Variants in WDPCP observed in about 807,000 individuals in gnomAD.
WDPCP encodes WD repeat containing planar cell polarity effector.
A neutral mutation model predicts 93.1 loss-of-function variants in WDPCP; 71 were observed. That is an observed-to-expected ratio of 0.76 (90% CI 0.63 to 0.93). The LOEUF is 0.93. Ranked by LOEUF, WDPCP falls within the 40% of genes least tolerant of loss-of-function variation. WDPCP has a pLI of 0.00. For missense variants in WDPCP, 844 were observed against 887.4 expected (o/e 0.95, Z 0.62); for synonymous variants, 315 against 315.0 (o/e 1.00, Z 0.00).
At chr2:63,593,805 T>C (rs778468672) in intron 3 of WDPCP, among the ~76,000 whole-genome samples, 6 of 152,204 alleles carry the variant, frequency 3.9e-5, no homozygotes, top group Non-Finnish European at 8.8e-5. Flanking sequence ...CAGCTTAGTC[T>C]TTTTTTACTC....
intron 1 of WDPCP, among the ~76,000 whole-genome samples, chr2:63,500,723 G>C (rs924890815): frequency 6.6e-6 from 1 of 152,098 alleles, no homozygotes; most frequent in African/African-American, 2.4e-5. Context: ...TGCAAAAACA[G>C]GGATAATGAT....
intron 9 of WDPCP, among the ~76,000 whole-genome samples, chr2:63,427,538 C>A (rs1696415818): frequency 6.6e-6 from 1 of 152,034 alleles, no homozygotes; most frequent in South Asian, 2.1e-4. Flanking sequence ...TTTTTGAAAT[C>A]AACGAAAACA....
At chr2:63,325,685 G>A (rs748571214) in intron 12 of WDPCP, among the ~76,000 whole-genome samples, 2 of 152,296 alleles carry the variant, frequency 1.3e-5, no homozygotes, top group Middle Eastern at 6.8e-3. Flanking sequence ...TGTTATGCCT[G>A]AAAGTCCCAT....
chr2:63,291,751 G>A (rs571161443), intron 13 of WDPCP, among the ~76,000 whole-genome samples: 50 of 151,306 alleles, frequency 3.3e-4, no homozygotes, highest in Non-Finnish European at 5.9e-4. Flanking sequence ...AGAGGTTGCA[G>A]TGAGCTGAGA....
In WDPCP at chr2:63,404,307, C is replaced by G. The variant is rs751487031; in HGVS notation, c.1176G>C (p.Leu392=). ...LISCHPSGAI[L]LVGSNQGELQ... is the part of the protein sequence containing the mutation. ...ACTCCCCTTGGTTGCTGCCAACTAGCAGAATGGCACCACTTGGGTGGCAGC... is the reference window on the plus strand; with the variant it reads ...ACTCCCCTTGGTTGCTGCCAACTAGGAGAATGGCACCACTTGGGTGGCAGC... Residue 392 remains leucine (L), a synonymous_variant, in exon 10 of 18, where the codon CTG becomes CTC. Transcript: ENST00000272321. 6.2e-7 allele frequency: 1 copy of G among 1,614,006 alleles called. No homozygotes were observed. Among genetic ancestry groups the G allele is most frequent in the Middle Eastern group, 1.6e-4 (1 of 6,084 alleles).
intron 14 of WDPCP, among the ~76,000 whole-genome samples, chr2:63,210,921 A>ATTGCTGAGGCTTG (rs1676732604): frequency 6.6e-6 from 1 of 152,230 alleles, no homozygotes; most frequent in Non-Finnish European, 1.5e-5. Flanking sequence ...GACACCCGCC[A>ATTGCTGAGGCTTG]TTGCTGAGGC....
chr2:63,226,922 G>C (rs1009551560), intron 14 of WDPCP, among the ~76,000 whole-genome samples: 2 of 151,898 alleles, frequency 1.3e-5, no homozygotes, highest in African/African-American at 4.8e-5. Flanking sequence ...AATTTGGCCA[G>C]AAAGTGTTTA....
chr2:63,391,852 A>G (rs561495425), intron 10 of WDPCP, among the ~76,000 whole-genome samples: 1 of 152,208 alleles, frequency 6.6e-6, no homozygotes, highest in Non-Finnish European at 1.5e-5. Context: ...CTCTTCAAGG[A>G]GAACTAGAAA....
At chr2:63,424,426 A>C (rs1455412675) in intron 9 of WDPCP, among the ~76,000 whole-genome samples, 1 of 152,098 alleles carries the variant, frequency 6.6e-6, no homozygotes, top group African/African-American at 2.4e-5. Context: ...ACTGTTCTTC[A>C]CACCCTCGTT....
chr2:63,700,282 C>CAAAAAAAAAAAAAAAAAAAA (rs1196006011), intron 2 of WDPCP, among the ~76,000 whole-genome samples: 4 of 41,574 alleles, frequency 9.6e-5, no homozygotes, highest in Non-Finnish European at 1.3e-4. Context: ...GACCCTGTCT[C>CAAAAAAAAAAAAAAAAAAAA]AAAAAAAAAA....
chr2:63,729,005 G>A (rs114727938), intron 2 of WDPCP, among the ~76,000 whole-genome samples: 1,872 of 152,180 alleles, frequency 0.012, 17 homozygotes, highest in Non-Finnish European at 0.015. Flanking sequence ...TTTTGACCAA[G>A]AGTTAATTAT....
intron 2 of WDPCP, among the ~76,000 whole-genome samples, chr2:63,727,479 C>T (rs775499782): frequency 7.9e-5 from 12 of 152,124 alleles, no homozygotes; most frequent in Non-Finnish European, 1.3e-4. Context: ...TACATCTATG[C>T]TCATCAGGGA....
intron 3 of WDPCP, among the ~76,000 whole-genome samples, chr2:63,650,353 C>T (rs1213835366): frequency 6.6e-6 from 1 of 152,192 alleles, no homozygotes. Context: ...GTCCAGGGAC[C>T]ACACATACTT....
rs915804968 is a variant in WDPCP at position 63,776,891 on chromosome 2, T to TA, written n.308+36730dup. Among the ~76,000 whole-genome samples, 32 of 152,024 alleles carry TA rather than the reference T, an allele frequency of 2.1e-4. 1 individual carries two copies. In the South Asian group the frequency reaches 3.7e-3, roughly 18 times the overall value. On this transcript the variant is annotated intron_variant and non_coding_transcript_variant, in intron 2 of 4. Coordinates refer to the WDPCP transcript ENST00000467687. The stretch of plus-strand genomic sequence containing the variant: ...AATACTACATGATCTCACTCATACA[T>TA]AAAAAAAGTTGATCTCATAGAAGTA...
chr2:63,370,876 A>T (rs1691319423), intron 12 of WDPCP, among the ~76,000 whole-genome samples: 1 of 151,708 alleles, frequency 6.6e-6, no homozygotes, highest in African/African-American at 2.4e-5. Context: ...ATCCTATTTT[A>T]TAATTTTGGT....
At chr2:63,228,917 G>T (rs1227489471) in intron 14 of WDPCP, 1 of 152,120 alleles carries the variant, frequency 6.6e-6, no homozygotes, top group Non-Finnish European at 1.5e-5. Context: ...CTTTATAGCA[G>T]CATGATTTAT....
intron 3 of WDPCP, chr2:63,622,877 C>G (rs10200556): frequency 1.3e-6 from 2 of 1,529,848 alleles, no homozygotes; most frequent in Admixed American, 3.5e-5. Flanking sequence ...ATCAGGGGTG[C>G]GGAGCCTGGG....
In WDPCP at chr2:63,153,126, A is replaced by G. The variant is rs1671993713; in HGVS notation, c.2159-181T>C. On this transcript the variant is annotated intron_variant, in intron 16 of 17. Transcript: ENST00000272321. ...ATGAAAGTGCCAATCATTTTCATAT[A>G]TATGTGTATGGCTACCTTGCATTAC... is the stretch of plus-strand genomic sequence containing the variant. 7 of 614,502 alleles carry G rather than the reference A, an allele frequency of 1.1e-5. No homozygotes were observed. The South Asian group carries it at 1.4e-4, about 12-fold the overall frequency. The allele number at this position is 614,502 out of a possible 1,614,324, so 38.1% of individuals were successfully genotyped here.
chr2:63,215,685 G>C (rs900092678), intron 14 of WDPCP, among the ~76,000 whole-genome samples: 3 of 152,142 alleles, frequency 2.0e-5, no homozygotes, highest in Non-Finnish European at 2.9e-5. Context: ...AAAAGCAATG[G>C]CAACTAAAGC....
Sources: allele counts gnomAD v4.1 joint callset (sites outside exome capture counted in the v4.1 genomes callset), GRCh38; gene constraint gnomAD v4.1.1; transcripts MANE v1.5; gene names NCBI Gene and HGNC (gene_info 2026-07-23, HGNC 2026-07-21).